SLC30A8: variants seen among roughly 807,000 people sequenced by gnomAD.
SLC30A8 encodes solute carrier family 30 member 8, also known as proton-coupled zinc antiporter SLC30A8.
A neutral mutation model predicts 36.9 loss-of-function variants in SLC30A8; 27 were observed. That is an observed-to-expected ratio of 0.73 (90% confidence interval 0.54 to 1.01). The LOEUF (loss-of-function observed/expected upper bound fraction) is 1.01, where lower values mean the gene tolerates loss of function less well. SLC30A8 is among the 50% of genes least tolerant of loss of function. The pLI is 0.00. For missense variants in SLC30A8, 439 were observed against 452.0 expected, an observed-to-expected ratio of 0.97 and a Z score of 0.26; for synonymous variants, 164 against 172.4, an observed-to-expected ratio of 0.95 and a Z score of 0.38.
At chr8:117,068,725 C>A (rs1279100432) in intron 2 of SLC30A8, among the ~76,000 whole-genome samples, 1 of 152,032 alleles carries the variant, frequency 6.6e-6, no homozygotes, top group Non-Finnish European at 1.5e-5. Context: ...TACAGGTGCC[C>A]TCCATCATGC....
chr8:117,106,176 C>T (rs971423744), intron 2 of SLC30A8, among the ~76,000 whole-genome samples: 4 of 152,104 alleles, frequency 2.6e-5, no homozygotes, highest in Non-Finnish European at 5.9e-5. Context: ...AATTTATAAT[C>T]TGTACTACTT....
At chr8:116,958,453 A>T (rs1814297073) in intron 1 of SLC30A8, among the ~76,000 whole-genome samples, 1 of 151,880 alleles carries the variant, frequency 6.6e-6, no homozygotes. Context: ...TTAAGTATAG[A>T]CTTGGGGCTG....
chr8:117,045,341 G>A (rs754407048), intron 2 of SLC30A8, among the ~76,000 whole-genome samples: 2 of 151,540 alleles, frequency 1.3e-5, no homozygotes, highest in East Asian at 3.9e-4. Flanking sequence ...TTCCCCCACC[G>A]TACTTGAAAG....
chr8:117,169,342 T>C (rs954953267), intron 6 of SLC30A8, among the ~76,000 whole-genome samples: 9 of 152,180 alleles, frequency 5.9e-5, no homozygotes, highest in African/African-American at 2.2e-4. Flanking sequence ...ATGTGAGAGT[T>C]ATTTATATCC....
intron 2 of SLC30A8, among the ~76,000 whole-genome samples, chr8:117,080,924 A>G (rs1818656640): frequency 1.3e-5 from 2 of 152,212 alleles, no homozygotes; most frequent in Non-Finnish European, 2.9e-5. Context: ...TGCTCCCCAC[A>G]GTGGTTGGAC....
chr8:117,010,522 C>G (rs1332094036), intron 1 of SLC30A8, among the ~76,000 whole-genome samples: 1 of 152,184 alleles, frequency 6.6e-6, no homozygotes, highest in African/African-American at 2.4e-5. Flanking sequence ...GGTCGAAAAG[C>G]ATTGTTATTA....
At chr8:117,038,560 C>T (rs1365329522) in intron 1 of SLC30A8, among the ~76,000 whole-genome samples, 4 of 152,096 alleles carry the variant, frequency 2.6e-5, no homozygotes, top group Admixed American at 6.6e-5. Context: ...CAGTATTTTG[C>T]TTCTACAAAC....
At chr8:116,978,822 A>G (rs1815147438) in intron 1 of SLC30A8, among the ~76,000 whole-genome samples, 2 of 152,122 alleles carry the variant, frequency 1.3e-5, no homozygotes, top group Non-Finnish European at 2.9e-5. Context: ...AATGCTTCAT[A>G]TATATATGCA....
intron 2 of SLC30A8, among the ~76,000 whole-genome samples, chr8:117,095,420 T>C (rs980678874): frequency 6.6e-6 from 1 of 152,160 alleles, no homozygotes; most frequent in Admixed American, 6.5e-5. Flanking sequence ...GTGTTACTTT[T>C]AGTAACACTA....
rs1468997449 is a variant in SLC30A8, at chr8:117,174,908, A to G, written c.*2227A>G. 2 of 152,178 alleles carry G rather than the reference A, an allele frequency of 1.3e-5. No individual in the cohort carries two copies. Among genetic ancestry groups the G allele is most frequent in the Non-Finnish European group, 2.9e-5 (2 of 67,988 alleles). 9.4% of individuals were successfully genotyped at this position (152,178 alleles called of 1,614,324 possible). ...CAAGACAATCTACAAGGGAGATTTT[A>G]AGGATTTTGAGATGAAAAAACAGAT... On this transcript the variant is annotated 3_prime_UTR_variant, in exon 8 of 8. Transcript: ENST00000456015.
intron 1 of SLC30A8, among the ~76,000 whole-genome samples, chr8:117,009,900 C>T (rs1223859669): frequency 6.6e-6 from 1 of 152,154 alleles, no homozygotes; most frequent in Non-Finnish European, 1.5e-5. Context: ...TTTAAAACTT[C>T]ATGATTCATT....
chr8:117,079,310 T>C (rs1313782304), intron 2 of SLC30A8, among the ~76,000 whole-genome samples: 1 of 152,158 alleles, frequency 6.6e-6, no homozygotes, highest in Non-Finnish European at 1.5e-5. Flanking sequence ...ACACCCAGCC[T>C]GAATTCTCTT....
intron 1 of SLC30A8, among the ~76,000 whole-genome samples, chr8:116,966,882 C>A (rs1814618050): frequency 6.6e-6 from 1 of 152,166 alleles, no homozygotes; most frequent in South Asian, 2.1e-4. Context: ...GCTAATTTTC[C>A]ATTTTCTAAA....
intron 2 of SLC30A8, among the ~76,000 whole-genome samples, chr8:117,043,654 G>A (rs562208288): frequency 1.2e-4 from 18 of 152,152 alleles, no homozygotes; most frequent in African/African-American, 3.9e-4. Flanking sequence ...AATATAATAC[G>A]GATAATATTG....
At chr8:117,098,038 ATATAAT>A (rs1819533590) in intron 2 of SLC30A8, among the ~76,000 whole-genome samples, 1 of 135,710 alleles carries the variant, frequency 7.4e-6, no homozygotes, top group African/African-American at 2.8e-5. Context: ...TATTAAATAA[ATATAAT>A]TATATATAAT....
At chr8:117,039,920 T>G (rs1817328495) in intron 2 of SLC30A8, among the ~76,000 whole-genome samples, 1 of 152,216 alleles carries the variant, frequency 6.6e-6, no homozygotes, top group South Asian at 2.1e-4. Context: ...TTTGATAAAT[T>G]ATCTTCTCCT....
intron 2 of SLC30A8, among the ~76,000 whole-genome samples, chr8:117,117,222 T>G (rs373522564): frequency 4.6e-5 from 7 of 152,160 alleles, no homozygotes; most frequent in South Asian, 4.1e-4. Context: ...GGCTCTTTTC[T>G]AAGCACTTAT....
At chr8:117,134,515 GCTTC>G (rs574477020), upstream of SLC30A8, among the ~76,000 whole-genome samples, 298 of 152,084 alleles carry the variant, frequency 2.0e-3, no homozygotes, top group African/African-American at 6.8e-3. Flanking sequence ...CAACTCAGAG[GCTTC>G]CTTCCTCGGA....
chr8:117,039,367 T>G (rs1263848877), intron 2 of SLC30A8: 2 of 152,212 alleles, frequency 1.3e-5, no homozygotes, highest in Non-Finnish European at 1.5e-5. Flanking sequence ...TTTTACTTGT[T>G]TTCTTTTCTA....
Sources: allele counts gnomAD v4.1 joint callset (sites outside exome capture counted in the v4.1 genomes callset), GRCh38; gene constraint gnomAD v4.1.1; transcripts MANE v1.5; gene names NCBI Gene and HGNC (gene_info 2026-07-23, HGNC 2026-07-21).